The following EHBP1 variants were observed in gnomAD, a reference collection of about 807,000 sequenced individuals.
The protein encoded by EHBP1 is EH domain binding protein 1.
Under a neutral mutation model 144.0 loss-of-function variants are expected in EHBP1, and 55 were observed. That is an observed-to-expected ratio of 0.38 (90% CI 0.31 to 0.48). The LOEUF (loss-of-function observed/expected upper bound fraction) is 0.48. Among genes scored for constraint, EHBP1 ranks in the 20% least tolerant of loss-of-function variants. EHBP1 has a pLI of 0.98. For missense variants in EHBP1, 1,200 were observed against 1,364.2 expected (o/e 0.88, Z 1.90); for synonymous variants, 469 against 472.7 (o/e 0.99, Z 0.10).
chr2:63,005,152 A>G (rs2059987609), intron 19 of EHBP1, among the ~76,000 whole-genome samples: 1 of 152,098 alleles, frequency 6.6e-6, no homozygotes. Context: ...TTGGTAATCC[A>G]GAGTCATCAT....
At chr2:63,008,163 A>G (rs2060122107) in intron 19 of EHBP1, among the ~76,000 whole-genome samples, 1 of 151,834 alleles carries the variant, frequency 6.6e-6, no homozygotes, top group South Asian at 2.1e-4. Flanking sequence ...CTATCTAGTT[A>G]GCATGAATTA....
At chr2:62,883,869 G>A (rs2539982) in intron 10 of EHBP1, among the ~76,000 whole-genome samples, 82,489 of 152,020 alleles carry the variant, frequency 0.54, 22,639 homozygotes, top group African/African-American at 0.61. Context: ...TACTTGGGAG[G>A]TTAAGGTGGG....
At chr2:62,762,910 A>G (rs1345661758) in intron 3 of EHBP1, among the ~76,000 whole-genome samples, 4 of 152,264 alleles carry the variant, frequency 2.6e-5, no homozygotes, top group Middle Eastern at 3.4e-3. Flanking sequence ...ATATAAGTCA[A>G]TATCTTTGCA....
chr2:62,921,938 A>G (rs531745588), intron 10 of EHBP1, among the ~76,000 whole-genome samples: 1 of 152,334 alleles, frequency 6.6e-6, no homozygotes, highest in East Asian at 1.9e-4. Context: ...GCACTTCGGG[A>G]GGCTGAGACA....
chr2:62,872,539 C>T (rs1221620079), intron 9 of EHBP1, among the ~76,000 whole-genome samples: 1 of 152,100 alleles, frequency 6.6e-6, no homozygotes, highest in Non-Finnish European at 1.5e-5. Context: ...TCACACAATA[C>T]TATCTCTGTA....
intron 18 of EHBP1, among the ~76,000 whole-genome samples, chr2:62,995,276 A>G (rs2059585700): frequency 6.6e-6 from 1 of 152,080 alleles, no homozygotes; most frequent in East Asian, 1.9e-4. Context: ...TTAAAATCAA[A>G]CTATCCTGAG....
intron 15 of EHBP1, among the ~76,000 whole-genome samples, chr2:62,981,069 CAA>C (rs754301803): frequency 2.9e-4 from 14 of 48,282 alleles, no homozygotes; most frequent in Middle Eastern, 0.013. Flanking sequence ...GATGCTGTCT[CAA>C]AAAAAAAAAA....
At chr2:62,919,251 C>T (rs1190675352) in intron 10 of EHBP1, among the ~76,000 whole-genome samples, 1 of 152,202 alleles carries the variant, frequency 6.6e-6, no homozygotes, top group African/African-American at 2.4e-5. Flanking sequence ...TCTGCTCTTG[C>T]TGATTGAAGT....
intron 19 of EHBP1, among the ~76,000 whole-genome samples, chr2:63,010,293 A>G (rs1242840948): frequency 3.3e-5 from 5 of 151,532 alleles, no homozygotes. Flanking sequence ...TAATTAGAGC[A>G]GGTATTTTCT....
At chr2:62,751,454 C>T (rs900729935) in intron 3 of EHBP1, among the ~76,000 whole-genome samples, 2 of 151,784 alleles carry the variant, frequency 1.3e-5, no homozygotes, top group Admixed American at 6.6e-5. Flanking sequence ...TCTTTTTTTG[C>T]TGTGTCTGTG....
intron 10 of EHBP1, among the ~76,000 whole-genome samples, chr2:62,927,213 G>A (rs1395550459): frequency 6.6e-6 from 1 of 152,098 alleles, no homozygotes; most frequent in Non-Finnish European, 1.5e-5. Context: ...AGGTGGTGGG[G>A]AGAGGAGCAT....
chr2:62,866,626 C>T (rs114134111), intron 9 of EHBP1, among the ~76,000 whole-genome samples: 1,717 of 152,142 alleles, frequency 0.011, 11 homozygotes, highest in Non-Finnish European at 0.018. Flanking sequence ...AGGTTAACCC[C>T]TTGTTAAATA....
intron 7 of EHBP1, among the ~76,000 whole-genome samples, chr2:62,835,657 G>C (rs2047164949): frequency 6.6e-6 from 1 of 152,178 alleles, no homozygotes; most frequent in African/African-American, 2.4e-5. Context: ...AGCCGAAGCA[G>C]GGCGAGGCAT....
At chr2:62,799,425 CT>C (rs548380020) in intron 5 of EHBP1, among the ~76,000 whole-genome samples, 18 of 152,138 alleles carry the variant, frequency 1.2e-4, no homozygotes, top group Non-Finnish European at 2.5e-4. Context: ...TTAATTATGA[CT>C]TTTAAACTTC....
intron 5 of EHBP1, among the ~76,000 whole-genome samples, chr2:62,806,860 T>C (rs566374522): frequency 6.6e-6 from 1 of 152,288 alleles, no homozygotes; most frequent in East Asian, 1.9e-4. Flanking sequence ...AATAACGCAG[T>C]AATCCTATTT....
At chr2:62,938,913 C>T (rs1479361860) in intron 10 of EHBP1, among the ~76,000 whole-genome samples, 1 of 152,088 alleles carries the variant, frequency 6.6e-6, no homozygotes, top group Non-Finnish European at 1.5e-5. Context: ...GGAATTCCTG[C>T]TGATAATGCA....
At chr2:62,921,574 G>A (rs1329961348) in intron 10 of EHBP1, among the ~76,000 whole-genome samples, 1 of 151,560 alleles carries the variant, frequency 6.6e-6, no homozygotes, top group Non-Finnish European at 1.5e-5. Flanking sequence ...ACAAAAGAAG[G>A]CAATAATGTA....
Position 62,864,795 on chromosome 2 carries a change from T to A in EHBP1, c.822T>A (p.Asn274Lys). The change falls in exon 9 of 23, where the codon AAT (asparagine) becomes AAA (lysine). Residue 274 changes from asparagine (N) to lysine (K), a missense_variant. Around this residue, in one of 6 missense-constraint regions of EHBP1, gnomAD observed 266 missense variants for 262.4 expected, o/e 1.01. Coordinates refer to ENST00000431489, the MANE Select transcript of EHBP1 (RefSeq NM_001142616.3). ...ACTCTTTTTATAATAACAGCTATAA[T>A]CCCTTTAAAGAGGTGCAGACTCCAC... ...TEDSFYNNSY[N>K]PFKEVQTPQY... 1 of 1,614,034 alleles carries A rather than the reference T, an allele frequency of 6.2e-7. No homozygotes were observed.
chr2:62,785,498 G>A (rs1379272699), intron 5 of EHBP1, among the ~76,000 whole-genome samples: 1 of 152,102 alleles, frequency 6.6e-6, no homozygotes, highest in Admixed American at 6.5e-5. Flanking sequence ...AGAGTGTAGG[G>A]TGACTTCCAG....
Sources: allele counts gnomAD v4.1 joint callset (sites outside exome capture counted in the v4.1 genomes callset), GRCh38; gene constraint gnomAD v4.1.1; regional missense constraint gnomAD v4.1.1; transcripts MANE v1.5; gene names NCBI Gene and HGNC (gene_info 2026-07-23, HGNC 2026-07-21).